The following MYOM2 variants were observed in gnomAD, a reference collection of about 807,000 sequenced individuals.
The protein encoded by MYOM2 is myomesin 2, also known as myomesin-2.
MYOM2 carries 254 observed loss-of-function variants against 187.6 expected under a neutral mutation model. That is an observed-to-expected ratio of 1.35 (90% CI 1.22 to 1.50). The LOEUF (loss-of-function observed/expected upper bound fraction) is 1.50. Among genes scored for constraint, MYOM2 ranks in the 40% most tolerant of loss-of-function variants. The pLI, the probability that MYOM2 is intolerant of heterozygous loss-of-function variation, is 0.00. For missense variants in MYOM2, 2,796 were observed against 1,924.0 expected (o/e 1.45, Z -8.48); for synonymous variants, 981 against 753.8 (o/e 1.30, Z -4.94).
chr8:2,139,192 G>C (rs1233267417), intron 32 of MYOM2, among the ~76,000 whole-genome samples: 1 of 152,216 alleles, frequency 6.6e-6, no homozygotes, highest in Non-Finnish European at 1.5e-5. Flanking sequence ...CCAGGCCGGA[G>C]TGCGGTGGTG....
In MYOM2 at chr8:2,049,118, C is replaced by T. The variant is rs555470850; in HGVS notation, c.-12-1637C>T. On this transcript the variant is annotated intron_variant, in intron 1 of 36. Transcript: ENST00000262113. ...TTTTATTGTGTTCTATGAGGTGCAA[C>T]GTTCCGTTATATCCCTGGAGTAGAA... Among the ~76,000 whole-genome samples, 8 of 152,272 alleles carry T rather than the reference C, an allele frequency of 5.3e-5. No homozygotes were observed. In the South Asian group the frequency reaches 6.2e-4, roughly 12 times the overall value.
chr8:2,133,372 A>C (rs1345749683), intron 32 of MYOM2, among the ~76,000 whole-genome samples: 1 of 152,212 alleles, frequency 6.6e-6, no homozygotes, highest in Non-Finnish European at 1.5e-5. Flanking sequence ...CACACTGAGA[A>C]GAGCTCAGAC....
chr8:2,085,365 A>G lies in MYOM2; in HGVS notation c.1619A>G (p.Asp540Gly), dbSNP rs760507288. 2 of 1,612,768 alleles carry G rather than the reference A, an allele frequency of 1.2e-6. No homozygotes were observed. Among genetic ancestry groups the G allele is most frequent in the Middle Eastern group, 3.3e-4 (2 of 6,060 alleles). The change falls in exon 14 of 37, where the codon GAC becomes GGC. Residue 540 changes from aspartate (D) to glycine (G), a missense_variant. Physicochemically the swap from Asp to Gly is moderately conservative, Grantham distance 94. Transcript: ENST00000262113. Reference protein sequence around the residue: ...SWEPPTPRGKDPLMYFIEKSV... With the variant: ...SWEPPTPRGKGPLMYFIEKSV... The stretch of plus-strand genomic sequence containing the variant: ...GAGCCACCCACTCCCCGTGGCAAGG[A>G]CCCGCTCATGTACTTCATTGAGAAG...
chr8:2,069,446 G>C lies in MYOM2; in HGVS notation c.743-1G>C. 1 of 1,614,230 alleles carries C rather than the reference G, an allele frequency of 6.2e-7. No individual in the cohort carries two copies. Among genetic ancestry groups the C allele is most frequent in the Non-Finnish European group, 8.5e-7 (1 of 1,180,034 alleles). On this transcript the variant is annotated splice_acceptor_variant, in intron 7 of 36. Transcript: ENST00000262113. LOFTEE classifies it high-confidence loss of function. Reference sequence around the variant, plus strand: ...GCTGCACTCACTTTGCTGTCTTGCAGGGTTCCGGGGAGACGAGGAACCATT... The same window carrying C: ...GCTGCACTCACTTTGCTGTCTTGCACGGTTCCGGGGAGACGAGGAACCATT...
chr8:2,100,194 C>A (rs1260601984), intron 19 of MYOM2, among the ~76,000 whole-genome samples: 1 of 122,070 alleles, frequency 8.2e-6, no homozygotes, highest in Non-Finnish European at 1.7e-5. Context: ...CCTTCCCTCC[C>A]TGCCTCCCGC....
Position 2,144,869 on chromosome 8 carries a change from T to A in MYOM2, c.4286T>A (p.Ile1429Asn), listed in dbSNP as rs544873333. 27 of 1,613,720 alleles carry A rather than the reference T, an allele frequency of 1.7e-5. No homozygotes were observed. In the African/African-American group the frequency reaches 1.9e-4, roughly 11 times the overall value. ...NIKNKYGGEKIDVTVSVYKHG... is the reference protein window; with the variant it reads ...NIKNKYGGEKNDVTVSVYKHG... ...AAGAATAAGTATGGCGGGGAGAAGATCGACGTGACAGTGAGCGTGTACAAA... is the reference window on the plus strand; with the variant it reads ...AAGAATAAGTATGGCGGGGAGAAGAACGACGTGACAGTGAGCGTGTACAAA... The change falls in exon 37 of 37, where the codon ATC becomes AAC. Residue 1429 changes from isoleucine to asparagine, a missense_variant. By Grantham distance (149) the Ile-to-Asn change is moderately radical. Transcript: ENST00000262113.
chr8:2,109,509 A>G lies in MYOM2; in HGVS notation c.3158A>G (p.Asp1053Gly). 1 of 1,612,242 alleles carries G rather than the reference A, an allele frequency of 6.2e-7. No individual in the cohort carries two copies. The highest frequency in any genetic ancestry group is 1.7e-5 in the Admixed American group (1 of 59,676). Reference sequence around the variant, plus strand: ...GCCAGCTACCGATTTATTATTAACGACAGAGAAGTCTCTGACAGCGAGGTG... The same window carrying G: ...GCCAGCTACCGATTTATTATTAACGGCAGAGAAGTCTCTGACAGCGAGGTG... ...PDASYRFIIN[D>G]REVSDSEIHR... The change falls in exon 25 of 37, where the codon GAC (aspartate) becomes GGC (glycine). Residue 1053 changes from aspartate (D) to glycine (G), a missense_variant. Physicochemically the swap from Asp to Gly is moderately conservative, Grantham distance 94. Coordinates refer to ENST00000262113, the MANE Select transcript of MYOM2 (RefSeq NM_003970.4).
In MYOM2 at chr8:2,073,520, C is replaced by T; in HGVS notation, c.1120+20C>T. 2 of 1,585,600 alleles carry T rather than the reference C, an allele frequency of 1.3e-6. No individual in the cohort carries two copies. The highest frequency in any genetic ancestry group is 1.1e-5 in the South Asian group (1 of 89,780). ...TCAGAGGTGCGGGCAGCAGGGTTCT[C>T]AGGGTGCAGACCTTGTGTGTGCCCG... On this transcript the variant is annotated intron_variant, in intron 10 of 36. Transcript: ENST00000262113.
chr8:2,117,294 T>G (rs949544542), intron 27 of MYOM2, among the ~76,000 whole-genome samples: 2 of 152,210 alleles, frequency 1.3e-5, no homozygotes, highest in Non-Finnish European at 2.9e-5. Context: ...CTGCTTTGTA[T>G]TTTTGCATTG....
intron 9 of MYOM2, among the ~76,000 whole-genome samples, chr8:2,072,930 G>C (rs1475780585): frequency 5.9e-5 from 9 of 152,186 alleles, no homozygotes; most frequent in Admixed American, 4.6e-4. Flanking sequence ...TGATATGGAG[G>C]GTCTATGCTG....
intron 32 of MYOM2, 21 bp from the exon 33 acceptor site, chr8:2,140,702 G>A (rs761255951): frequency 1.7e-5 from 27 of 1,612,036 alleles, no homozygotes; most frequent in Admixed American, 1.7e-4. Flanking sequence ...ACTCAGATAC[G>A]TTCCTGTTGC....
At chr8:2,139,133 C>T (rs981201363) in intron 32 of MYOM2, among the ~76,000 whole-genome samples, 16 of 151,856 alleles carry the variant, frequency 1.1e-4, no homozygotes, top group Non-Finnish European at 2.2e-4. Context: ...CAGAGCCAAG[C>T]ATTTATTTTT....
Position 2,102,709 on chromosome 8 carries a change from C to T in MYOM2, c.2662C>T (p.Arg888Trp), listed in dbSNP as rs771411219. 30 of 1,613,902 alleles carry T rather than the reference C, an allele frequency of 1.9e-5. No homozygotes were observed. The highest frequency in any genetic ancestry group is 1.2e-4 in the South Asian group (11 of 91,076). ...QQGKTYVFRVRAVNANGVGKP... is the reference protein window; with the variant it reads ...QQGKTYVFRVWAVNANGVGKP... ...AGGTAAGACCTATGTCTTCAGGGTC[C>T]GGGCAGTCAATGCAAATGGCGTGGG... The change falls in exon 21 of 37, where the codon CGG becomes TGG. Residue 888 changes from arginine (R) to tryptophan (W), a missense_variant. By Grantham distance (101) the Arg-to-Trp change is moderately radical. Transcript: ENST00000262113.
intron 12 of MYOM2, 111 bp from the exon 13 acceptor site, chr8:2,079,449 A>G: frequency 2.9e-6 from 3 of 1,021,606 alleles, no homozygotes; most frequent in Non-Finnish European, 4.6e-6. Flanking sequence ...GAGGACTCAC[A>G]GGTTGTAGTC....
intron 6 of MYOM2, among the ~76,000 whole-genome samples, chr8:2,065,969 C>G (rs969216642): frequency 3.3e-5 from 5 of 152,224 alleles, no homozygotes; most frequent in Admixed American, 2.6e-4. Context: ...AGTGTGAACG[C>G]TGTTGATGTT....
intron 12 of MYOM2, among the ~76,000 whole-genome samples, chr8:2,079,178 A>G (rs1296159355): frequency 6.7e-6 from 1 of 148,700 alleles, no homozygotes; most frequent in Non-Finnish European, 1.5e-5. Flanking sequence ...GCTGGCATCC[A>G]GTTAAATTGG....
At chr8:2,077,214 G>A (rs1585861217) in intron 11 of MYOM2, among the ~76,000 whole-genome samples, 1 of 152,030 alleles carries the variant, frequency 6.6e-6, no homozygotes, top group South Asian at 2.1e-4. Context: ...GGAGGCTGAG[G>A]CAGGAGCATC....
At chr8:2,133,611 C>T (rs778320574) in intron 32 of MYOM2, among the ~76,000 whole-genome samples, 1 of 152,202 alleles carries the variant, frequency 6.6e-6, no homozygotes, top group Non-Finnish European at 1.5e-5. Context: ...CAGGCATGCG[C>T]CACCATGCCT....
At chr8:2,053,070 T>G (rs1246891733) in intron 3 of MYOM2, among the ~76,000 whole-genome samples, 1 of 152,180 alleles carries the variant, frequency 6.6e-6, no homozygotes, top group Non-Finnish European at 1.5e-5. Context: ...CCTGCTGTAT[T>G]TTTTCCCTCA....
Sources: gnomAD v4.1 joint callset for allele counts (sites outside exome capture counted in the v4.1 genomes callset) on GRCh38, gnomAD v4.1.1 for gene constraint, MANE v1.5 for transcripts, NCBI Gene and HGNC (gene_info 2026-07-23, HGNC 2026-07-21) for gene names.